KCNIP4: variants seen among roughly 807,000 people sequenced by gnomAD.
KCNIP4 encodes the protein Kv channel-interacting protein 4.
A neutral mutation model predicts 34.0 loss-of-function variants in KCNIP4; 12 were observed. The ratio of observed to expected loss-of-function variants is 0.35; its 90% confidence interval spans 0.23 to 0.57. KCNIP4 has a LOEUF of 0.57. Ranked by LOEUF, KCNIP4 falls within the 20% of genes least tolerant of loss-of-function variation. The pLI, the probability that KCNIP4 is intolerant of heterozygous loss-of-function variation, is 0.83. For synonymous variants in KCNIP4, 124 were observed against 102.2 expected, an observed-to-expected ratio of 1.21 and a Z score of -1.29; for missense variants, 238 against 311.7, an observed-to-expected ratio of 0.76 and a Z score of 1.78.
chr4:21,577,707 C>T (rs1740852393), intron 1 of KCNIP4, among the ~76,000 whole-genome samples: 1 of 152,046 alleles, frequency 6.6e-6, no homozygotes, highest in Non-Finnish European at 1.5e-5. Flanking sequence ...GCCTCTATGC[C>T]GTTGCACACT....
In KCNIP4 at chr4:20,732,866, A is replaced by C. The variant is rs1386053737; in HGVS notation, c.538-81T>G. ...TAAGAAGCTCTGACAGATTTTTCCT[A>C]CTCAATTTTAAATTTTTGACTTTTT... is the stretch of plus-strand genomic sequence containing the variant. On this transcript the variant is annotated intron_variant, in intron 6 of 8. Coordinates refer to ENST00000382152, the MANE Select transcript of KCNIP4 (RefSeq NM_025221.6). 6.0e-6 allele frequency: 5 copies of C among 837,544 alleles called. No homozygotes were observed. In the Admixed American group the frequency reaches 1.4e-4, roughly 23 times the overall value. The allele number at this position is 837,544 out of a possible 1,614,324, so 51.9% of individuals were successfully genotyped here.
At chr4:21,673,620 T>C (rs901919754) in intron 1 of KCNIP4, among the ~76,000 whole-genome samples, 3 of 152,154 alleles carry the variant, frequency 2.0e-5, no homozygotes, top group African/African-American at 7.2e-5. Context: ...AAAATAAATA[T>C]AAAAACCAGT....
intron 1 of KCNIP4, among the ~76,000 whole-genome samples, chr4:21,247,735 G>T (rs1443255535): frequency 9.8e-5 from 6 of 61,356 alleles, no homozygotes; most frequent in East Asian, 3.6e-4. Context: ...TCCACAGGTG[G>T]ATATATATAT....
chr4:21,463,379 A>G (rs1729644309), intron 1 of KCNIP4, among the ~76,000 whole-genome samples: 1 of 151,718 alleles, frequency 6.6e-6, no homozygotes, highest in Admixed American at 6.6e-5. Context: ...TGTTTTTGTG[A>G]TTGAGTTGTT....
intron 1 of KCNIP4, among the ~76,000 whole-genome samples, chr4:21,570,471 T>C (rs945169543): frequency 2.0e-5 from 3 of 152,140 alleles, no homozygotes; most frequent in Non-Finnish European, 2.9e-5. Context: ...AATAGCTGTT[T>C]GTAGACTATT....
chr4:21,707,178 A>G (rs1327133639), intron 1 of KCNIP4, among the ~76,000 whole-genome samples: 1 of 152,170 alleles, frequency 6.6e-6, no homozygotes, highest in Non-Finnish European at 1.5e-5. Flanking sequence ...AAATGATGCC[A>G]TTGTTGAGGC....
intron 1 of KCNIP4, among the ~76,000 whole-genome samples, chr4:21,819,417 A>G (rs1722190143): frequency 6.6e-6 from 1 of 151,712 alleles, no homozygotes; most frequent in Admixed American, 6.6e-5. Context: ...TTGCCTGACT[A>G]CTCCTTCCAG....
intron 1 of KCNIP4, among the ~76,000 whole-genome samples, chr4:21,398,146 T>C (rs944750434): frequency 1.3e-5 from 2 of 152,198 alleles, no homozygotes; most frequent in African/African-American, 4.8e-5. Context: ...GGTAAGTCTA[T>C]TCAGGTATGT....
intron 1 of KCNIP4, among the ~76,000 whole-genome samples, chr4:21,377,667 G>A (rs1483461041): frequency 6.6e-6 from 1 of 152,122 alleles, no homozygotes; most frequent in African/African-American, 2.4e-5. Flanking sequence ...GTCCAAGCTT[G>A]TCAGGCAATG....
chr4:20,836,965 T>C (rs1719119509), intron 3 of KCNIP4, among the ~76,000 whole-genome samples: 1 of 152,118 alleles, frequency 6.6e-6, no homozygotes, highest in Non-Finnish European at 1.5e-5. Context: ...CTCTAATGTC[T>C]ATCAGGTGAG....
At position 20,742,819 on chromosome 4, in the gene KCNIP4, T is replaced by C. The variant is rs187926920; in HGVS notation, c.429+6843A>G. Among the ~76,000 whole-genome samples, 361 of 152,234 alleles carry C rather than the reference T, an allele frequency of 2.4e-3. 1 individual carries two copies. Among genetic ancestry groups the C allele is most frequent in the African/African-American group, 8.2e-3 (339 of 41,540 alleles). On this transcript the variant is annotated intron_variant, in intron 5 of 8. Transcript: ENST00000382152. ...ATGATTGTATATTTAGAAAACCCTG[T>C]CGTCTCAGCCCAAAATCTCCTTAAA...
intron 1 of KCNIP4, among the ~76,000 whole-genome samples, chr4:21,657,250 A>G (rs1465006248): frequency 1.3e-5 from 2 of 151,962 alleles, no homozygotes; most frequent in Non-Finnish European, 2.9e-5. Flanking sequence ...TCGTTATTTT[A>G]TTTATTAAAG....
At chr4:20,983,868 T>A in intron 1 of KCNIP4, 1 of 1,536,354 alleles carries the variant, frequency 6.5e-7, no homozygotes, top group South Asian at 1.2e-5. Flanking sequence ...GATGCACATA[T>A]AATCACAACA....
chr4:21,152,767 T>C (rs1272359569), intron 1 of KCNIP4, among the ~76,000 whole-genome samples: 2 of 152,158 alleles, frequency 1.3e-5, no homozygotes, highest in Admixed American at 6.5e-5. Flanking sequence ...GCTCCGCCTC[T>C]TGTCAGATGA....
chr4:21,863,044 A>C (rs1231596293), intron 1 of KCNIP4, among the ~76,000 whole-genome samples: 1 of 152,032 alleles, frequency 6.6e-6, no homozygotes, highest in Non-Finnish European at 1.5e-5. Context: ...GGTACTGTTA[A>C]TACCACCAGT....
At chr4:21,434,573 G>T (rs184873249) in intron 1 of KCNIP4, among the ~76,000 whole-genome samples, 172 of 152,166 alleles carry the variant, frequency 1.1e-3, no homozygotes, top group Middle Eastern at 3.4e-3. Context: ...TGGCAGGCAA[G>T]TGAGCATTAC....
At chr4:21,882,646 C>G (rs1249635248) in intron 1 of KCNIP4, among the ~76,000 whole-genome samples, 1 of 152,022 alleles carries the variant, frequency 6.6e-6, no homozygotes, top group Non-Finnish European at 1.5e-5. Flanking sequence ...GAGACTGTAC[C>G]AAAAGTAGCC....
At chr4:20,882,180 A>G (rs906081883) in intron 2 of KCNIP4, among the ~76,000 whole-genome samples, 1 of 152,176 alleles carries the variant, frequency 6.6e-6, no homozygotes, top group African/African-American at 2.4e-5. Context: ...ACACTTTGTA[A>G]TCTTTTTTCT....
At chr4:21,641,966 G>C (rs1406370391) in intron 1 of KCNIP4, among the ~76,000 whole-genome samples, 2 of 152,168 alleles carry the variant, frequency 1.3e-5, no homozygotes, top group Non-Finnish European at 2.9e-5. Flanking sequence ...ACATTGGACT[G>C]CTTCCATCAT....
Sources: gnomAD v4.1 joint callset for allele counts (sites outside exome capture counted in the v4.1 genomes callset) on GRCh38, gnomAD v4.1.1 for gene constraint, MANE v1.5 for transcripts, NCBI Gene and HGNC (gene_info 2026-07-23, HGNC 2026-07-21) for gene names.